KCNAB2: variants seen among roughly 807,000 people sequenced by gnomAD.
The protein encoded by KCNAB2 is potassium voltage-gated channel subfamily A regulatory beta subunit 2, also known as voltage-gated potassium channel subunit beta-2.
In KCNAB2, 29 loss-of-function variants were observed where a neutral mutation model predicts 63.6. The ratio of observed to expected loss-of-function variants is 0.46; its 90% CI spans 0.34 to 0.62. The LOEUF (loss-of-function observed/expected upper bound fraction) is 0.62. Ranked by LOEUF, KCNAB2 falls within the 20% of genes least tolerant of loss-of-function variation. The pLI is 0.01. For missense variants in KCNAB2, 359 were observed against 563.9 expected, an observed-to-expected ratio of 0.64 and a Z score of 3.68; for synonymous variants, 222 against 224.2, an observed-to-expected ratio of 0.99 and a Z score of 0.09.
chr1:5,998,669 G>A (rs35603680), intron 1 of KCNAB2, among the ~76,000 whole-genome samples: 30,459 of 152,130 alleles, frequency 0.2, 3,503 homozygotes, highest in African/African-American at 0.32. Context: ...TGCTGCATCC[G>A]GTGGGCCAGC....
At chr1:6,098,071 T>G in intron 15 of KCNAB2, 11 of 729,676 alleles carry the variant, frequency 1.5e-5, no homozygotes, top group Non-Finnish European at 1.9e-5. Context: ...ACAAACTGGA[T>G]GTGGGGGTGA....
upstream of KCNAB2, among the ~76,000 whole-genome samples, chr1:6,030,081 T>C (rs1048223141): frequency 1.3e-5 from 2 of 152,232 alleles, no homozygotes; most frequent in African/African-American, 4.8e-5. Flanking sequence ...CCCACTGGAC[T>C]TATAATTCAA....
At chr1:6,040,555 G>A (rs1188328817) in exon 2 of KCNAB2, 3 of 1,613,342 alleles carry the variant, frequency 1.9e-6, no homozygotes, top group Non-Finnish European at 2.5e-6. Flanking sequence ...GTCTGGATAA[G>A]TGAGGCTGGC....
At chr1:6,021,362 G>T (rs1658806788) in intron 1 of KCNAB2, among the ~76,000 whole-genome samples, 1 of 152,196 alleles carries the variant, frequency 6.6e-6, no homozygotes, top group Admixed American at 6.5e-5. Flanking sequence ...ATGTGGAGCT[G>T]CTGTTGACTC....
chr1:6,061,943 G>A (rs537121774), intron 2 of KCNAB2, among the ~76,000 whole-genome samples: 79 of 152,242 alleles, frequency 5.2e-4, no homozygotes, highest in African/African-American at 1.8e-3. Context: ...CCCACTAGAT[G>A]ACCAGGCAGT....
intron 11 of KCNAB2, 109 bp downstream of exon 11, chr1:6,094,594 C>A: frequency 1.2e-6 from 1 of 839,468 alleles, no homozygotes; most frequent in Non-Finnish European, 1.9e-6. Flanking sequence ...CCCAACTGCA[C>A]CGATGCCTGG....
Position 6,082,368 on chromosome 1 carries a change from TC to T in KCNAB2, c.380+95del. The T allele has an allele frequency of 4.2e-6, 4 of 957,506 alleles. No individual in the cohort carries two copies. The South Asian group carries it at 5.2e-5, about 12-fold the overall frequency. 59.3% of individuals were successfully genotyped at this position (957,506 alleles called of 1,614,324 possible). On this transcript the variant is annotated intron_variant, in intron 5 of 15. Transcript: ENST00000378083. ...CTGCCGCTCGCGTTCCCAAGAGTGC[TC>T]ACAAATGCACCTTGCACCCTGCTTT...
At chr1:6,047,486 C>A (rs1293977729) in intron 1 of KCNAB2, among the ~76,000 whole-genome samples, 2 of 152,120 alleles carry the variant, frequency 1.3e-5, no homozygotes, top group Admixed American at 6.5e-5. Context: ...CCACAGGGAG[C>A]CCCCGCTGTA....
chr1:6,097,600 C>A, intron 15 of KCNAB2: 1 of 686,834 alleles, frequency 1.5e-6, no homozygotes, highest in South Asian at 1.9e-5. Flanking sequence ...GGAGAGAAGC[C>A]AGAGATAAAG....
rs1231962651 is a variant in KCNAB2, at chr1:6,073,094, C to T, written c.262+296C>T. 3.3e-5 allele frequency among the ~76,000 whole-genome samples: 5 copies of T among 152,128 alleles called. No homozygotes were observed. Among genetic ancestry groups the T allele is most frequent in the East Asian group, 1.9e-4 (1 of 5,188 alleles). On this transcript the variant is annotated intron_variant, in intron 3 of 15. Coordinates refer to ENST00000378083, the MANE Select transcript of KCNAB2 (RefSeq NM_001199862.2). The surrounding 1 kb of genome is among the most constrained non-coding windows in gnomAD (Gnocchi z 5.7). ...ACCCCACACCACAAAATCAGAGGCC[C>T]TTAGGGCCCCGGGAGTGCAACGAAG... is the stretch of plus-strand genomic sequence containing the variant.
intron 1 of KCNAB2, chr1:6,027,389 C>T (rs1659273880): frequency 1.3e-5 from 2 of 152,432 alleles, no homozygotes; most frequent in Non-Finnish European, 2.9e-5. Context: ...AGTGAGCAGC[C>T]TGCGGCAGCC....
chr1:6,073,851 T>A lies in KCNAB2; in HGVS notation c.300+81T>A, dbSNP rs1663436849. On this transcript the variant is annotated intron_variant, in intron 4 of 15. Coordinates refer to ENST00000378083, the MANE Select transcript of KCNAB2 (RefSeq NM_001199862.2). The surrounding 1 kb of genome is among the most constrained non-coding windows in gnomAD (Gnocchi z 5.7). Reference sequence around the variant, plus strand: ...TGGTTAAGTCTGCCGCGTGGACCAGTGAGCACGTGCTCCCGGGAGCCAGCG... The same window carrying A: ...TGGTTAAGTCTGCCGCGTGGACCAGAGAGCACGTGCTCCCGGGAGCCAGCG... 2 of 1,415,364 alleles carry A rather than the reference T, an allele frequency of 1.4e-6. No homozygotes were observed. Among genetic ancestry groups the A allele is most frequent in the Non-Finnish European group, 2.0e-6 (2 of 1,001,796 alleles). 87.7% of individuals were successfully genotyped at this position (1,415,364 alleles called of 1,614,324 possible).
chr1:6,099,957 A>T lies in KCNAB2; in HGVS notation c.*1383A>T. ...CAGGCCTGTGTCCCAAGCAGTACCC[A>T]GGCTTTGCAGACCACGCGGGGCAGG... On this transcript the variant is annotated 3_prime_UTR_variant, in exon 16 of 16. Transcript: ENST00000378083. The T allele has an allele frequency of 6.5e-7, 1 of 1,550,214 alleles. No individual in the cohort carries two copies. Among genetic ancestry groups the T allele is most frequent in the Non-Finnish European group, 8.7e-7 (1 of 1,146,830 alleles).
rs148138812 is a variant in KCNAB2, at chr1:6,098,496, A to G, written c.1170A>G (p.Lys390=). The G allele has an allele frequency of 1.2e-4, 195 of 1,613,898 alleles. No individual in the cohort carries two copies. The African/African-American group carries it at 2.3e-3, about 19-fold the overall frequency. The stretch of plus-strand genomic sequence containing the variant: ...GTTCTTGCACGCAGGTCCTTCCGAA[A>G]CTGTCATCTTCCATTATCCACGAGA... ...ENIGAIQVLP[K]LSSSIIHEID... is the part of the protein sequence containing the mutation. The change falls in exon 16 of 16, where the codon AAA becomes AAG. Residue 390 remains lysine (K), a synonymous_variant. Transcript: ENST00000378083.
upstream of KCNAB2, among the ~76,000 whole-genome samples, chr1:6,045,221 G>C (rs983575530): frequency 2.6e-5 from 4 of 152,136 alleles, no homozygotes; most frequent in Non-Finnish European, 5.9e-5. The surrounding 1 kb of genome is among the most constrained non-coding windows in gnomAD (Gnocchi z 4.8). Flanking sequence ...CATTCATCAT[G>C]GGGGGACGGT....
At position 6,073,711 on chromosome 1, in the gene KCNAB2, G is replaced by A; in HGVS notation, c.263-22G>A. 5.6e-6 allele frequency: 9 copies of A among 1,614,008 alleles called. No homozygotes were observed. The highest frequency in any genetic ancestry group is 7.6e-6 in the Non-Finnish European group (9 of 1,179,858). On this transcript the variant is annotated intron_variant, in intron 3 of 15. Transcript: ENST00000378083. The surrounding 1 kb of genome is among the most constrained non-coding windows in gnomAD (Gnocchi z 5.7). The stretch of plus-strand genomic sequence containing the variant: ...TGGCTTCCTGCCAGGTTCCTAACTT[G>A]AGCCCCTGTGTCTCCTTCCAGGAAC...
intron 2 of KCNAB2, among the ~76,000 whole-genome samples, chr1:6,067,222 T>C (rs1368381363): frequency 6.6e-6 from 1 of 152,186 alleles, no homozygotes; most frequent in Admixed American, 6.5e-5. Flanking sequence ...CTACAGAAGC[T>C]GGAAAAGCTA....
At chr1:6,007,934 C>A (rs544013895) in intron 1 of KCNAB2, among the ~76,000 whole-genome samples, 1 of 152,118 alleles carries the variant, frequency 6.6e-6, no homozygotes, top group African/African-American at 2.4e-5. Context: ...GGGCTGGAGA[C>A]GCTGAGGCAG....
intron 2 of KCNAB2, among the ~76,000 whole-genome samples, chr1:6,059,597 C>T (rs1349614824): frequency 5.9e-5 from 9 of 152,004 alleles, no homozygotes; most frequent in East Asian, 1.9e-4. Context: ...CATGTGCTGG[C>T]GCCGTGGTCA....
Sources: gnomAD v4.1 joint callset for allele counts (sites outside exome capture counted in the v4.1 genomes callset) on GRCh38, gnomAD v4.1.1 for gene constraint, Gnocchi (gnomAD v3.1) non-coding constraint, MANE v1.5 for transcripts, NCBI Gene and HGNC (gene_info 2026-07-23, HGNC 2026-07-21) for gene names.